Variants in PPFIA2 observed in about 807,000 individuals in gnomAD.
PPFIA2 encodes PPFI scaffold protein A2.
A neutral mutation model predicts 175.5 loss-of-function variants in PPFIA2; 46 were observed. The ratio of observed to expected loss-of-function variants is 0.26; its 90% confidence interval spans 0.21 to 0.34. The LOEUF (loss-of-function observed/expected upper bound fraction) is 0.34, where lower values mean the gene tolerates loss of function less well. PPFIA2 is among the 10% of genes least tolerant of loss of function. The pLI, the probability that PPFIA2 is intolerant of heterozygous loss-of-function variation, is 1.00. For synonymous variants in PPFIA2, 568 were observed against 511.4 expected, an observed-to-expected ratio of 1.11 and a Z score of -1.49; for missense variants, 1,179 against 1,506.1, an observed-to-expected ratio of 0.78 and a Z score of 3.60.
chr12:81,549,534 T>C (rs1341623803), intron 4 of PPFIA2, among the ~76,000 whole-genome samples: 1 of 151,948 alleles, frequency 6.6e-6, no homozygotes, highest in African/African-American at 2.4e-5. Flanking sequence ...TGCATTCCTC[T>C]TTGATGCTTT....
chr12:81,663,254 T>C (rs1201204754), intron 4 of PPFIA2, among the ~76,000 whole-genome samples: 1 of 152,150 alleles, frequency 6.6e-6, no homozygotes, highest in Non-Finnish European at 1.5e-5. Flanking sequence ...AAATTGTCCC[T>C]GTTTGCAGAT....
chr12:81,588,627 T>C (rs545352077), intron 4 of PPFIA2, among the ~76,000 whole-genome samples: 2 of 152,274 alleles, frequency 1.3e-5, no homozygotes, highest in Admixed American at 1.3e-4. Flanking sequence ...ACTAGAAATA[T>C]TAAAGATAAA....
At chr12:81,686,948 C>T (rs1312628494) in intron 3 of PPFIA2, among the ~76,000 whole-genome samples, 1 of 151,914 alleles carries the variant, frequency 6.6e-6, no homozygotes, top group Non-Finnish European at 1.5e-5. Flanking sequence ...TCTTTTCTTC[C>T]AACCAGTTCC....
intron 4 of PPFIA2, among the ~76,000 whole-genome samples, chr12:81,515,165 C>T (rs2062259754): frequency 6.6e-6 from 1 of 151,878 alleles, no homozygotes; most frequent in African/African-American, 2.4e-5. Flanking sequence ...TAAAATTATA[C>T]TTTATTTATA....
intron 5 of PPFIA2, among the ~76,000 whole-genome samples, chr12:81,457,298 CT>C (rs2053755353): frequency 6.8e-6 from 1 of 147,568 alleles, no homozygotes; most frequent in African/African-American, 2.5e-5. Flanking sequence ...TTTTTTTTTC[CT>C]TTTTAAAAAA....
At chr12:81,410,580 AT>A (rs1396515663) in intron 7 of PPFIA2, among the ~76,000 whole-genome samples, 5 of 152,062 alleles carry the variant, frequency 3.3e-5, no homozygotes, top group Non-Finnish European at 7.4e-5. Flanking sequence ...TTCAATCATC[AT>A]TTATCAAGTG....
At chr12:81,630,529 T>C (rs899895394) in intron 4 of PPFIA2, among the ~76,000 whole-genome samples, 17 of 152,182 alleles carry the variant, frequency 1.1e-4, no homozygotes, top group Admixed American at 6.5e-5. Flanking sequence ...AAAGGACAAA[T>C]ATCTCCTATT....
At chr12:81,502,879 T>A (rs1002331371) in intron 4 of PPFIA2, among the ~76,000 whole-genome samples, 1 of 152,170 alleles carries the variant, frequency 6.6e-6, no homozygotes, top group South Asian at 2.1e-4. Flanking sequence ...TAGTCATCTA[T>A]AATCTAATGC....
chr12:81,662,734 C>T (rs992351103), intron 4 of PPFIA2, among the ~76,000 whole-genome samples: 1 of 152,050 alleles, frequency 6.6e-6, no homozygotes, highest in East Asian at 1.9e-4. Flanking sequence ...CAAAGCCTGG[C>T]AGAGACACAA....
At chr12:81,520,297 C>T (rs1205983602) in intron 4 of PPFIA2, among the ~76,000 whole-genome samples, 1 of 152,156 alleles carries the variant, frequency 6.6e-6, no homozygotes, top group African/African-American at 2.4e-5. Flanking sequence ...GGATTCATGT[C>T]TCAGGCAGAA....
intron 7 of PPFIA2, among the ~76,000 whole-genome samples, chr12:81,412,733 T>G (rs1025478126): frequency 6.6e-6 from 1 of 151,962 alleles, no homozygotes; most frequent in Non-Finnish European, 1.5e-5. Flanking sequence ...TTATATCAAA[T>G]GGAGGGCAAA....
intron 28 of PPFIA2, among the ~76,000 whole-genome samples, chr12:81,271,345 A>G (rs1248526888): frequency 1.3e-5 from 2 of 152,056 alleles, no homozygotes; most frequent in Non-Finnish European, 2.9e-5. Flanking sequence ...ATCTCTGCTT[A>G]CTGCAACCTC....
At chr12:81,732,513 T>TTAAAAA (rs375607543) in intron 3 of PPFIA2, among the ~76,000 whole-genome samples, 1 of 133,994 alleles carries the variant, frequency 7.5e-6, no homozygotes, top group Admixed American at 7.5e-5. Flanking sequence ...TGTTTTTTTT[T>TTAAAAA]AAAAAAAAAA....
intron 3 of PPFIA2, among the ~76,000 whole-genome samples, chr12:81,684,405 T>A (rs1275585848): frequency 6.6e-6 from 1 of 151,818 alleles, no homozygotes; most frequent in Non-Finnish European, 1.5e-5. Context: ...TAGTCAAGAG[T>A]CCAGCAAGAG....
chr12:81,529,023 C>T (rs2064112582), intron 4 of PPFIA2, among the ~76,000 whole-genome samples: 1 of 151,798 alleles, frequency 6.6e-6, no homozygotes, highest in African/African-American at 2.4e-5. Flanking sequence ...TAGCTGGAGA[C>T]CCAATTTTAG....
rs548229701 is a variant in PPFIA2 at position 81,301,358 on chromosome 12, G to T, written c.2643-1976C>A. On this transcript the variant is annotated intron_variant, in intron 22 of 32. Transcript: ENST00000549396. ...AGAAATAAATTTACATTTACAATTA[G>T]TTTTTGCTTCACATAGTAAAAAAGC... Among the ~76,000 whole-genome samples the T allele has an allele frequency of 1.8e-3, 279 of 152,208 alleles. 1 individual carries two copies. Among genetic ancestry groups the T allele is most frequent in the African/African-American group, 6.2e-3 (259 of 41,540 alleles).
rs778373998 is a variant in PPFIA2, at chr12:81,358,099, G to A, written c.1756C>T (p.Arg586Ter). ...AGATTAACCTTTGGCTCATCTCTTCGCACACCCATGCGGCCTCTCCTTGGT... is the reference window on the plus strand; with the variant it reads ...AGATTAACCTTTGGCTCATCTCTTCACACACCCATGCGGCCTCTCCTTGGT... ...RRPRRGRMGVRRDEPKVKSLG... is the reference protein window; with the variant it reads ...RRPRRGRMGV Residue 586 changes from arginine (R) to a stop codon, truncating the protein, a stop_gained, in exon 16 of 33, where the codon CGA (arginine) becomes TGA (stop). Transcript: ENST00000549396. LOFTEE classifies it high-confidence loss of function. The A allele has an allele frequency of 6.2e-7, 1 of 1,603,516 alleles. No individual in the cohort carries two copies. Among genetic ancestry groups the A allele is most frequent in the Non-Finnish European group, 8.5e-7 (1 of 1,175,058 alleles).
At chr12:81,456,195 T>G (rs142562158) in intron 5 of PPFIA2, among the ~76,000 whole-genome samples, 4 of 152,182 alleles carry the variant, frequency 2.6e-5, no homozygotes, top group Non-Finnish European at 5.9e-5. Flanking sequence ...AATTTTAAAT[T>G]TGCACGAAAA....
At chr12:81,266,302 T>C (rs1231768311) in intron 30 of PPFIA2, among the ~76,000 whole-genome samples, 3 of 152,228 alleles carry the variant, frequency 2.0e-5, no homozygotes, top group Non-Finnish European at 4.4e-5. Context: ...AGAAAGACTA[T>C]TAAAATGTCT....
Sources: allele counts gnomAD v4.1 joint callset (sites outside exome capture counted in the v4.1 genomes callset), GRCh38; gene constraint gnomAD v4.1.1; transcripts MANE v1.5; gene names NCBI Gene and HGNC (gene_info 2026-07-23, HGNC 2026-07-21).